SGCD: variants seen among roughly 807,000 people sequenced by gnomAD.
SGCD encodes the protein delta-sarcoglycan.
In SGCD, 18 loss-of-function variants were observed where a neutral mutation model predicts 36.6. The observed-to-expected ratio is 0.49, with a 90% CI of 0.34 to 0.73. SGCD has a LOEUF of 0.73. Ranked by LOEUF, SGCD falls within the 30% of genes least tolerant of loss-of-function variation. The pLI, the probability that SGCD is intolerant of heterozygous loss-of-function variation, is 0.01. For synonymous variants in SGCD, 133 were observed against 130.6 expected (o/e 1.02, Z -0.12); for missense variants, 387 against 346.7 (o/e 1.12, Z -0.92).
chr5:156,574,601 A>G (rs941987892), intron 4 of SGCD, among the ~76,000 whole-genome samples: 1 of 152,256 alleles, frequency 6.6e-6, no homozygotes, highest in East Asian at 1.9e-4. Flanking sequence ...GAGTAACCCC[A>G]GGGTTAGTAG....
chr5:156,436,496 G>A (rs1485508154), intron 3 of SGCD, among the ~76,000 whole-genome samples: 1 of 152,150 alleles, frequency 6.6e-6, no homozygotes, highest in African/African-American at 2.4e-5. Flanking sequence ...CTCTGATGCT[G>A]TAGAACCTTA....
chr5:156,114,289 G>T (rs1258585912), intron 1 of SGCD, among the ~76,000 whole-genome samples: 1 of 151,998 alleles, frequency 6.6e-6, no homozygotes, highest in Admixed American at 6.6e-5. Flanking sequence ...AGTTCAATTC[G>T]ATTTTGCTGC....
chr5:156,144,636 A>T (rs1397340135), intron 3 of SGCD, among the ~76,000 whole-genome samples: 1 of 152,218 alleles, frequency 6.6e-6, no homozygotes, highest in Non-Finnish European at 1.5e-5. Context: ...TCTGGATATC[A>T]GCCCTTTGTC....
intron 3 of SGCD, among the ~76,000 whole-genome samples, chr5:156,398,943 C>T (rs1163099308): frequency 2.6e-5 from 4 of 152,084 alleles, no homozygotes; most frequent in Non-Finnish European, 5.9e-5. Flanking sequence ...TGTAAGTGCT[C>T]AATAGCCACA....
chr5:156,550,359 G>A (rs1286665169), intron 4 of SGCD, among the ~76,000 whole-genome samples: 1 of 152,222 alleles, frequency 6.6e-6, no homozygotes, highest in African/African-American at 2.4e-5. Flanking sequence ...TGAGCAGAAA[G>A]GGAAGAGATG....
At chr5:156,088,114 G>A (rs758112727) in intron 1 of SGCD, among the ~76,000 whole-genome samples, 35 of 152,050 alleles carry the variant, frequency 2.3e-4, no homozygotes, top group Admixed American at 1.3e-4. Flanking sequence ...CCCATGACTC[G>A]AGTATCTGGC....
At chr5:155,820,840 A>G in the SGCD span, among the ~76,000 whole-genome samples, 1 of 152,152 alleles carries the variant, frequency 6.6e-6, no homozygotes, top group African/African-American at 2.4e-5. Context: ...CCTCTGTTGA[A>G]AGCAAGTATT....
intron 3 of SGCD, among the ~76,000 whole-genome samples, chr5:156,246,075 C>T (rs368746113): frequency 3.0e-4 from 46 of 152,196 alleles, no homozygotes; most frequent in Middle Eastern, 6.8e-3. Flanking sequence ...TTCAACATGA[C>T]AAATTTCTAG....
At chr5:155,835,630 A>C in the SGCD span, among the ~76,000 whole-genome samples, 1 of 152,200 alleles carries the variant, frequency 6.6e-6, no homozygotes, top group Non-Finnish European at 1.5e-5. Flanking sequence ...ATTATCTCAC[A>C]TAGTTACATG....
At chr5:156,224,467 A>G (rs1421816994) in intron 3 of SGCD, among the ~76,000 whole-genome samples, 1 of 152,154 alleles carries the variant, frequency 6.6e-6, no homozygotes, top group African/African-American at 2.4e-5. Flanking sequence ...TAGTGCTTCA[A>G]TCTATCGTTA....
chr5:156,482,071 G>C (rs1755454928), intron 3 of SGCD, among the ~76,000 whole-genome samples: 3 of 152,122 alleles, frequency 2.0e-5, no homozygotes, highest in South Asian at 2.1e-4. Flanking sequence ...CCGAATGTCA[G>C]GTATTTAATG....
At chr5:156,171,668 C>T (rs1763349820) in intron 3 of SGCD, among the ~76,000 whole-genome samples, 1 of 152,158 alleles carries the variant, frequency 6.6e-6, no homozygotes, top group South Asian at 2.1e-4. Flanking sequence ...AATAGGCATA[C>T]AGTAGCACAC....
At chr5:155,772,216 A>G in the SGCD span, among the ~76,000 whole-genome samples, 2 of 152,146 alleles carry the variant, frequency 1.3e-5, no homozygotes, top group African/African-American at 4.8e-5. Context: ...TCTCACATAT[A>G]AGGAGGGCGC....
intron 3 of SGCD, among the ~76,000 whole-genome samples, chr5:156,124,170 T>C (rs1050485853): frequency 6.6e-6 from 1 of 152,210 alleles, no homozygotes; most frequent in African/African-American, 2.4e-5. Flanking sequence ...CTTGAAAAGA[T>C]ACCATCACTT....
intron 3 of SGCD, among the ~76,000 whole-genome samples, chr5:156,368,108 C>A (rs1269516459): frequency 6.9e-6 from 1 of 145,810 alleles, no homozygotes. Flanking sequence ...TTCTTTTTTT[C>A]GAGACGAAAT....
chr5:156,020,743 G>A (rs752186928), intron 1 of SGCD, among the ~76,000 whole-genome samples: 1 of 152,166 alleles, frequency 6.6e-6, no homozygotes, highest in African/African-American at 2.4e-5. Flanking sequence ...TCGCTAGTGT[G>A]TATTGGTCAG....
intron 2 of SGCD, among the ~76,000 whole-genome samples, chr5:156,118,574 GT>G (rs1761958898): frequency 6.6e-6 from 1 of 152,082 alleles, no homozygotes; most frequent in Admixed American, 6.6e-5. Context: ...ATGTTTAAAA[GT>G]TTATGAGAGA....
chr5:156,615,986 T>C (rs1308756282), intron 6 of SGCD, among the ~76,000 whole-genome samples: 5 of 152,202 alleles, frequency 3.3e-5, no homozygotes, highest in Non-Finnish European at 7.3e-5. Context: ...TTGGTTGTGA[T>C]ATAAATCCAA....
At chr5:156,185,360 G>A (rs1423913626) in intron 3 of SGCD, among the ~76,000 whole-genome samples, 4 of 151,490 alleles carry the variant, frequency 2.6e-5, no homozygotes, top group African/African-American at 4.9e-5. Flanking sequence ...GACTACAGGC[G>A]CCCGCCACCA....
Sources: gnomAD v4.1 joint callset for allele counts (sites outside exome capture counted in the v4.1 genomes callset) on GRCh38, gnomAD v4.1.1 for gene constraint, MANE v1.5 for transcripts, NCBI Gene and HGNC (gene_info 2026-07-23, HGNC 2026-07-21) for gene names.